The following NOVA1 variants were observed in gnomAD, a reference collection of about 807,000 sequenced individuals.
NOVA1 encodes NOVA alternative splicing regulator 1.
A neutral mutation model predicts 38.0 loss-of-function variants in NOVA1; 7 were observed. The ratio of observed to expected loss-of-function variants is 0.18; its 90% CI spans 0.10 to 0.35. NOVA1 has a LOEUF of 0.35. Among genes scored for constraint, NOVA1 ranks in the 10% least tolerant of loss-of-function variants. The pLI is 1.00. For synonymous variants in NOVA1, 270 were observed against 232.5 expected, an observed-to-expected ratio of 1.16 and a Z score of -1.47; for missense variants, 460 against 616.0, an observed-to-expected ratio of 0.75 and a Z score of 2.68.
intron 2 of NOVA1, among the ~76,000 whole-genome samples, chr14:26,573,485 G>A (rs187578069): frequency 6.6e-6 from 1 of 152,034 alleles, no homozygotes; most frequent in East Asian, 1.9e-4. Flanking sequence ...ATATTATAAA[G>A]CCAAAGAGAA....
chr14:26,573,127 A>G (rs1040797440), intron 2 of NOVA1, among the ~76,000 whole-genome samples: 27 of 152,182 alleles, frequency 1.8e-4, no homozygotes, highest in African/African-American at 6.5e-4. Flanking sequence ...TGTCTGAGAT[A>G]GTACAGTTAG....
intron 2 of NOVA1, among the ~76,000 whole-genome samples, chr14:26,579,443 C>A (rs901112668): frequency 1.3e-5 from 2 of 152,098 alleles, no homozygotes; most frequent in Non-Finnish European, 1.5e-5. Context: ...ATTTCTTCCA[C>A]AAAGCAATCT....
chr14:26,546,888 A>C (rs1263519337), intron 2 of NOVA1, among the ~76,000 whole-genome samples: 2 of 152,084 alleles, frequency 1.3e-5, no homozygotes, highest in Non-Finnish European at 2.9e-5. Context: ...GTGTGGTGGC[A>C]CATGCCTGTA....
chr14:26,529,140 TC>T (rs1226960225), intron 2 of NOVA1, among the ~76,000 whole-genome samples: 59 of 148,724 alleles, frequency 4.0e-4, no homozygotes, highest in African/African-American at 1.5e-3. Flanking sequence ...TTTTTTTTTT[TC>T]CTTTTTTTTC....
At chr14:26,575,580 A>C (rs1892790872) in intron 2 of NOVA1, among the ~76,000 whole-genome samples, 1 of 152,098 alleles carries the variant, frequency 6.6e-6, no homozygotes, top group African/African-American at 2.4e-5. Context: ...TAATCCAGGA[A>C]GCCACAACTA....
chr14:26,571,104 A>G (rs1200342961), intron 2 of NOVA1, among the ~76,000 whole-genome samples: 2 of 151,774 alleles, frequency 1.3e-5, no homozygotes, highest in Non-Finnish European at 2.9e-5. Context: ...AGGTTAAATA[A>G]TATGGATTAA....
At chr14:26,479,802 A>T (rs541156051) in intron 3 of NOVA1, 175 bp downstream of exon 3, 27 of 527,432 alleles carry the variant, frequency 5.1e-5, no homozygotes, top group Non-Finnish European at 7.9e-5. Flanking sequence ...CAATAAATTA[A>T]CTGATCAATC....
At chr14:26,463,194 T>A (rs1883833273) in intron 4 of NOVA1, among the ~76,000 whole-genome samples, 1 of 152,198 alleles carries the variant, frequency 6.6e-6, no homozygotes, top group African/African-American at 2.4e-5. Context: ...TTATCATACA[T>A]ACGTTCTTTT....
intron 4 of NOVA1, chr14:26,472,060 T>C (rs1022592309): frequency 1.5e-5 from 7 of 457,334 alleles, no homozygotes; most frequent in Non-Finnish European, 2.7e-5. Flanking sequence ...CAGTGCTCCA[T>C]TAGGTAGTCA....
At chr14:26,472,441 C>CCTG in intron 3 of NOVA1, 50 bp from the exon 4 acceptor site, 1 of 791,042 alleles carries the variant, frequency 1.3e-6, no homozygotes. Flanking sequence ...AAGCCTTAAA[C>CCTG]TGATTATTTA....
At position 26,492,041 on chromosome 14, in the gene NOVA1, A is replaced by G. The variant is rs139293238; in HGVS notation, c.281-11898T>C. 1.2e-3 allele frequency among the ~76,000 whole-genome samples: 190 copies of G among 152,074 alleles called. 1 individual carries two copies. The highest frequency in any genetic ancestry group is 4.2e-3 in the African/African-American group (176 of 41,530). Reference sequence around the variant, plus strand: ...TTTGGGTAGTACTGATATTTTAACAACATTAAGTGTACTCACCCATTAAAT... The same window carrying G: ...TTTGGGTAGTACTGATATTTTAACAGCATTAAGTGTACTCACCCATTAAAT... On this transcript the variant is annotated intron_variant, in intron 2 of 4. Transcript: ENST00000539517.
chr14:26,583,916 C>G (rs1018668314), intron 2 of NOVA1, among the ~76,000 whole-genome samples: 4 of 122,186 alleles, frequency 3.3e-5, no homozygotes, highest in Non-Finnish European at 7.5e-5. Context: ...CACACACACA[C>G]ACACATATAT....
intron 2 of NOVA1, among the ~76,000 whole-genome samples, chr14:26,554,135 AAAAAAAGAAAGAAAAGGAAG>A (rs1891332889): frequency 2.0e-5 from 3 of 151,408 alleles, no homozygotes; most frequent in Non-Finnish European, 2.9e-5. Context: ...GGTGAAAAAA[AAAAAAAGAAAGAAAAGGAAG>A]AAAAAGAAAG....
intron 4 of NOVA1, chr14:26,470,406 G>A: frequency 6.6e-7 from 1 of 1,509,034 alleles, no homozygotes; most frequent in Non-Finnish European, 9.2e-7. Context: ...AAAGATTGAT[G>A]ATTACAATTC....
intron 4 of NOVA1, among the ~76,000 whole-genome samples, chr14:26,463,230 A>C (rs531356958): frequency 5.9e-5 from 9 of 152,272 alleles, no homozygotes; most frequent in Non-Finnish European, 1.3e-4. Flanking sequence ...TTGGTGCAGT[A>C]AGTTTTACAG....
intron 2 of NOVA1, among the ~76,000 whole-genome samples, chr14:26,584,168 T>C (rs1893383813): frequency 6.6e-6 from 1 of 151,474 alleles, no homozygotes; most frequent in African/African-American, 2.4e-5. Context: ...TCTTCCATAC[T>C]TGGCACATAA....
intron 4 of NOVA1, among the ~76,000 whole-genome samples, chr14:26,460,277 C>A (rs1883541752): frequency 6.6e-6 from 1 of 151,186 alleles, no homozygotes; most frequent in Non-Finnish European, 1.5e-5. Context: ...ATTAGTATTT[C>A]ATTAATACTT....
chr14:26,596,660 A>G (rs1894210264), intron 1 of NOVA1: 6 of 1,289,090 alleles, frequency 4.7e-6, no homozygotes, highest in Non-Finnish European at 6.1e-6. Context: ...TCATCTTCCA[A>G]GGAAGCGCAG....
intron 2 of NOVA1, among the ~76,000 whole-genome samples, chr14:26,550,991 T>C (rs748864203): frequency 1.3e-5 from 2 of 152,078 alleles, no homozygotes; most frequent in South Asian, 2.1e-4. Context: ...TTAAAAGACA[T>C]AGACCAGAGA....
Sources: gnomAD v4.1 joint callset for allele counts (sites outside exome capture counted in the v4.1 genomes callset) on GRCh38, gnomAD v4.1.1 for gene constraint, MANE v1.5 for transcripts, NCBI Gene and HGNC (gene_info 2026-07-23, HGNC 2026-07-21) for gene names.